Variants in ZNF135 observed in about 807,000 individuals in gnomAD.
The protein encoded by ZNF135 is zinc finger protein 135 (clone pHZ-17).
In ZNF135, 11 loss-of-function variants were observed where a neutral mutation model predicts 12.3. That is an observed-to-expected ratio of 0.89 (90% CI 0.56 to 1.48). The LOEUF (loss-of-function observed/expected upper bound fraction) is 1.48. Ranked by LOEUF, ZNF135 falls within the 40% of genes most tolerant of loss-of-function variation. The probability of loss-of-function intolerance (pLI) is 0.00; values close to 1 mark genes in which losing one functional copy is unlikely to be tolerated. For missense variants in ZNF135, 722 were observed against 815.7 expected (o/e 0.89, Z 1.40); for synonymous variants, 316 against 312.0 (o/e 1.01, Z -0.14).
rs1263937441 is a variant in ZNF135, at chr19:58,068,473, A to G, written c.*12A>G. 6.2e-7 allele frequency: 1 copy of G among 1,611,732 alleles called. No homozygotes were observed. Among genetic ancestry groups the G allele is most frequent in the Non-Finnish European group, 8.5e-7 (1 of 1,178,686 alleles). On this transcript the variant is annotated 3_prime_UTR_variant, in exon 5 of 5. Transcript: ENST00000313434. Reference sequence around the variant, plus strand: ...CTCACACTGGATAAACCCACTCCACATGTGCTGGGGACATAGGAAGACCTT... The same window carrying G: ...CTCACACTGGATAAACCCACTCCACGTGTGCTGGGGACATAGGAAGACCTT...
At position 58,067,043 on chromosome 19, in the gene ZNF135, C is replaced by G. The variant is rs536455733; in HGVS notation, c.559C>G (p.Pro187Ala). ...HQPMTPERQS[P>A]HTWGTRGKRE... Reference sequence around the variant, plus strand: ...ACCAATGACTCCTGAAAGACAAAGCCCCCACACATGGGGAACACGTGGAAA... The same window carrying G: ...ACCAATGACTCCTGAAAGACAAAGCGCCCACACATGGGGAACACGTGGAAA... The change falls in exon 5 of 5, where the codon CCC becomes GCC. Residue 187 changes from proline (P) to alanine (A), a missense_variant. Coordinates refer to ENST00000313434, the MANE Select transcript of ZNF135 (RefSeq NM_001289401.2). 2.8e-5 allele frequency: 46 copies of G among 1,614,156 alleles called. No homozygotes were observed. The African/African-American group carries it at 5.3e-4, about 19-fold the overall frequency.
upstream of ZNF135, chr19:58,059,263 C>CGCAGTGTCGGCTGCCGGT (rs1456844496): frequency 5.7e-6 from 9 of 1,576,974 alleles, no homozygotes; most frequent in Non-Finnish European, 7.7e-6. This position sits in a 1 kb window ranked among gnomAD's most constrained non-coding sequence, Gnocchi z 6.5. Flanking sequence ...CTCGCGCCGG[C>CGCAGTGTCGGCTGCCGGT]GCAGTGTCGG....
Position 58,060,094 on chromosome 19 carries a change from C to T in ZNF135, c.33+59C>T, listed in dbSNP as rs1367335045. ...ACCTCGTGCCCGGCCTCCTCGCGCG[C>T]GGCCTTCTCACGCCCGGCCTCCTCT... On this transcript the variant is annotated intron_variant, in intron 2 of 4. Transcript: ENST00000313434. The surrounding 1 kb of genome is among the most constrained non-coding windows in gnomAD (Gnocchi z 4.9). 6.8e-6 allele frequency: 11 copies of T among 1,608,332 alleles called. No individual in the cohort carries two copies. Among genetic ancestry groups the T allele is most frequent in the Non-Finnish European group, 8.5e-6 (10 of 1,179,392 alleles).
Position 58,060,411 on chromosome 19 carries a change from G to A in ZNF135, c.33+376G>A, listed in dbSNP as rs182570486. ...CGCCGCGCTGGAGGTCAGCGGGCAC[G>A]GGTCCCTGTCTGAGTGGGCTTTATG... is the stretch of plus-strand genomic sequence containing the variant. On this transcript the variant is annotated intron_variant, in intron 2 of 4. Transcript: ENST00000313434. This position sits in a 1 kb window ranked among gnomAD's most constrained non-coding sequence, Gnocchi z 4.9. 4.2e-6 allele frequency: 5 copies of A among 1,189,416 alleles called. No homozygotes were observed. The African/African-American group carries it at 4.8e-5, about 11-fold the overall frequency. The allele number at this position is 1,189,416 out of a possible 1,614,324, so 73.7% of individuals were successfully genotyped here. A position where few individuals can be genotyped will look rare whatever the true frequency, so the allele number is the denominator to read the frequency against.
rs1416066248 is a variant in ZNF135 at position 58,059,317 on chromosome 19, T to G, written c.-35+7T>G. 1 of 1,393,108 alleles carries G rather than the reference T, an allele frequency of 7.2e-7. No individual in the cohort carries two copies. Among genetic ancestry groups the G allele is most frequent in the South Asian group, 1.4e-5 (1 of 73,708 alleles). 86.3% of individuals were successfully genotyped at this position (1,393,108 alleles called of 1,614,324 possible). The stretch of plus-strand genomic sequence containing the variant: ...TTGTCTCGCAGTCAGGAGGGTGAGC[T>G]AGGCCGGCGAGGAGGGGGAGGGGAG... On this transcript the variant is annotated splice_region_variant and intron_variant, in intron 1 of 4. Coordinates refer to ENST00000313434, the MANE Select transcript of ZNF135 (RefSeq NM_001289401.2). This position sits in a 1 kb window ranked among gnomAD's most constrained non-coding sequence, Gnocchi z 6.5.
Position 58,059,642 on chromosome 19 carries a change from T to A in ZNF135, c.-34-327T>A. 1 of 505,116 alleles carries A rather than the reference T, an allele frequency of 2.0e-6. No homozygotes were observed. Among genetic ancestry groups the A allele is most frequent in the Non-Finnish European group, 3.5e-6 (1 of 288,056 alleles). The allele number at this position is 505,116 out of a possible 1,614,324, so 31.3% of individuals were successfully genotyped here. A position where few individuals can be genotyped will look rare whatever the true frequency, so the allele number is the denominator to read the frequency against. ...GGCACTGGGCCGCCACCTTTGTTGATGGAAGAGAGAAACTGAGGCATAGTG... is the reference window on the plus strand; with the variant it reads ...GGCACTGGGCCGCCACCTTTGTTGAAGGAAGAGAGAAACTGAGGCATAGTG... On this transcript the variant is annotated intron_variant, in intron 1 of 4. Coordinates refer to ENST00000313434, the MANE Select transcript of ZNF135 (RefSeq NM_001289401.2). This position sits in a 1 kb window ranked among gnomAD's most constrained non-coding sequence, Gnocchi z 6.5.
chr19:58,059,908 G>A lies in ZNF135; in HGVS notation c.-34-61G>A, dbSNP rs1459871660. 14 of 1,588,424 alleles carry A rather than the reference G, an allele frequency of 8.8e-6. No individual in the cohort carries two copies. Among genetic ancestry groups the A allele is most frequent in the Non-Finnish European group, 1.2e-5 (14 of 1,165,406 alleles). ...TCCCCAGGCTCTGGCGCAGTTCCCCGGCTTGGGGACCTGAGCACCGCCTCT... is the reference window on the plus strand; with the variant it reads ...TCCCCAGGCTCTGGCGCAGTTCCCCAGCTTGGGGACCTGAGCACCGCCTCT... On this transcript the variant is annotated intron_variant, in intron 1 of 4. Transcript: ENST00000313434. This position sits in a 1 kb window ranked among gnomAD's most constrained non-coding sequence, Gnocchi z 6.5.
At position 58,060,107 on chromosome 19, in the gene ZNF135, C is replaced by T. The variant is rs2073945398; in HGVS notation, c.33+72C>T. The T allele has an allele frequency of 3.1e-6, 5 of 1,605,468 alleles. No individual in the cohort carries two copies. Among genetic ancestry groups the T allele is most frequent in the Non-Finnish European group, 4.2e-6 (5 of 1,179,064 alleles). On this transcript the variant is annotated intron_variant, in intron 2 of 4. Transcript: ENST00000313434. The surrounding 1 kb of genome is among the most constrained non-coding windows in gnomAD (Gnocchi z 4.9). The stretch of plus-strand genomic sequence containing the variant: ...CCTCCTCGCGCGCGGCCTTCTCACG[C>T]CCGGCCTCCTCTTTGCACCCCGTCC...
rs10423264 is a variant in ZNF135, at chr19:58,068,329, T to C, written c.1845T>C (p.Phe615=). ...AGTGTCACGATTGCGGAAAGTCCTTTAGGCAGAGCACCCACCTCACTCAGC... is the reference window on the plus strand; with the variant it reads ...AGTGTCACGATTGCGGAAAGTCCTTCAGGCAGAGCACCCACCTCACTCAGC... ...PYECHDCGKS[F]RQSTHLTQHR... Residue 615 remains phenylalanine (F), a synonymous_variant, in exon 5 of 5, where the codon TTT becomes TTC. Transcript: ENST00000313434. 5,130 of 1,605,994 alleles carry C rather than the reference T, an allele frequency of 3.2e-3. 119 individuals are homozygous for C. The African/African-American group carries it at 0.054, about 17-fold the overall frequency.
rs951830454 is a variant in ZNF135, at chr19:58,059,589, C to G, written c.-35+279C>G. The G allele has an allele frequency of 2.3e-5, 12 of 522,334 alleles. No individual in the cohort carries two copies. The East Asian group carries it at 4.2e-4, about 18-fold the overall frequency. The allele number at this position is 522,334 out of a possible 1,614,324, so 32.4% of individuals were successfully genotyped here. A position where few individuals can be genotyped will look rare whatever the true frequency, so the allele number is the denominator to read the frequency against. On this transcript the variant is annotated intron_variant, in intron 1 of 4. Coordinates refer to ENST00000313434, the MANE Select transcript of ZNF135 (RefSeq NM_001289401.2). This position sits in a 1 kb window ranked among gnomAD's most constrained non-coding sequence, Gnocchi z 6.5. The stretch of plus-strand genomic sequence containing the variant: ...GGCCCCTGAGGGAACGCGCGCCCCG[C>G]CCCTGGCCCCACCTCTGCCCCACAC...
At position 58,068,159 on chromosome 19, in the gene ZNF135, T is replaced by C. The variant is rs753534804; in HGVS notation, c.1675T>C (p.Phe559Leu). 3 of 1,613,926 alleles carry C rather than the reference T, an allele frequency of 1.9e-6. No homozygotes were observed. In the South Asian group the frequency reaches 3.3e-5, roughly 18 times the overall value. ...PYECNQCGRA[F>L]SQSSLLIEHQ... ...TGAATGTAACCAGTGTGGCAGAGCCTTCAGCCAGAGCTCCCTTCTCATCGA... is the reference window on the plus strand; with the variant it reads ...TGAATGTAACCAGTGTGGCAGAGCCCTCAGCCAGAGCTCCCTTCTCATCGA... The change falls in exon 5 of 5, where the codon TTC becomes CTC. Residue 559 changes from phenylalanine to leucine, a missense_variant. Physicochemically the swap from Phe to Leu is conservative, Grantham distance 22. Transcript: ENST00000313434.
Position 58,066,970 on chromosome 19 carries a change from G to C in ZNF135, c.486G>C (p.Arg162Ser), listed in dbSNP as rs1484466670. ...VKTPVLEQWQRNGFGENISLN... is the reference protein window; with the variant it reads ...VKTPVLEQWQSNGFGENISLN... ...CGCCTGTTCTGGAGCAGTGGCAGAG[G>C]AATGGGTTTGGGGAAAACATAAGTC... The change falls in exon 5 of 5, where the codon AGG (arginine) becomes AGC (serine). Residue 162 changes from arginine to serine, a missense_variant. Physicochemically the swap from Arg to Ser is moderately radical, Grantham distance 110. Coordinates refer to ENST00000313434, the MANE Select transcript of ZNF135 (RefSeq NM_001289401.2). 1 of 1,614,194 alleles carries C rather than the reference G, an allele frequency of 6.2e-7. No individual in the cohort carries two copies. The highest frequency in any genetic ancestry group is 2.2e-5 in the East Asian group (1 of 44,888).
Position 58,068,164 on chromosome 19 carries a change from C to T in ZNF135, c.1680C>T (p.Ser560=). ...YECNQCGRAF[S]QSSLLIEHQR... Reference sequence around the variant, plus strand: ...GTAACCAGTGTGGCAGAGCCTTCAGCCAGAGCTCCCTTCTCATCGAACACC... The same window carrying T: ...GTAACCAGTGTGGCAGAGCCTTCAGTCAGAGCTCCCTTCTCATCGAACACC... The change falls in exon 5 of 5, where the codon AGC becomes AGT. Residue 560 remains serine, a synonymous_variant. Coordinates refer to ENST00000313434, the MANE Select transcript of ZNF135 (RefSeq NM_001289401.2). 1.9e-6 allele frequency: 3 copies of T among 1,614,024 alleles called. No individual in the cohort carries two copies. The highest frequency in any genetic ancestry group is 1.3e-5 in the African/African-American group (1 of 74,972).
rs750206658 is a variant in ZNF135 at position 58,067,016 on chromosome 19, C to A, written c.532C>A (p.Gln178Lys). The A allele has an allele frequency of 9.9e-6, 16 of 1,614,188 alleles. No homozygotes were observed. The highest frequency in any genetic ancestry group is 1.2e-5 in the Non-Finnish European group (14 of 1,180,026). ...AAGTCTGAACCCTGATCTCCCACAT[C>A]AACCAATGACTCCTGAAAGACAAAG... ...NISLNPDLPH[Q>K]PMTPERQSPH... Residue 178 changes from glutamine (Q) to lysine (K), a missense_variant, in exon 5 of 5, where the codon CAA becomes AAA. Gln to Lys is a moderately conservative substitution (Grantham distance 53). Transcript: ENST00000313434.
chr19:58,068,058 A>C lies in ZNF135; in HGVS notation c.1574A>C (p.Asn525Thr). The change falls in exon 5 of 5, where the codon AAC (asparagine) becomes ACC (threonine). Residue 525 changes from asparagine to threonine, a missense_variant. Asn to Thr is a moderately conservative substitution (Grantham distance 65). Transcript: ENST00000313434. ...IHTGEKPYEC[N>T]QCGRAFSQLA... is the part of the protein sequence containing the mutation. ...ACTGGGGAGAAGCCCTACGAATGCAACCAGTGTGGCAGAGCCTTCAGCCAG... is the reference window on the plus strand; with the variant it reads ...ACTGGGGAGAAGCCCTACGAATGCACCCAGTGTGGCAGAGCCTTCAGCCAG... The C allele has an allele frequency of 6.2e-7, 1 of 1,614,070 alleles. No homozygotes were observed. Among genetic ancestry groups the C allele is most frequent in the Non-Finnish European group, 8.5e-7 (1 of 1,180,010 alleles).
At position 58,062,376 on chromosome 19, in the gene ZNF135, A is replaced by G. The variant is rs116705832; in HGVS notation, c.160+670A>G. Among the ~76,000 whole-genome samples the G allele has an allele frequency of 3.0e-3, 425 of 142,936 alleles. 2 individuals are homozygous for G. The highest frequency in any genetic ancestry group is 9.0e-3 in the African/African-American group (349 of 38,694). 93.8% of individuals were successfully genotyped at this position (142,936 alleles called of 152,430 possible). On this transcript the variant is annotated intron_variant, in intron 3 of 4. Coordinates refer to ENST00000313434, the MANE Select transcript of ZNF135 (RefSeq NM_001289401.2). ...ACCTTATTTATTTATTTATTTATTT[A>G]TTTGTTTTTAAATTTTTTATTTTTG... is the stretch of plus-strand genomic sequence containing the variant.
Position 58,059,326 on chromosome 19 carries a change from G to A in ZNF135, c.-35+16G>A, listed in dbSNP as rs2073922358. The A allele has an allele frequency of 6.5e-7, 1 of 1,544,732 alleles. No individual in the cohort carries two copies. Among genetic ancestry groups the A allele is most frequent in the East Asian group, 2.5e-5 (1 of 39,518 alleles). On this transcript the variant is annotated intron_variant, in intron 1 of 4. Transcript: ENST00000313434. This position sits in a 1 kb window ranked among gnomAD's most constrained non-coding sequence, Gnocchi z 6.5. Reference sequence around the variant, plus strand: ...AGTCAGGAGGGTGAGCTAGGCCGGCGAGGAGGGGGAGGGGAGGCCAGGCCG... The same window carrying A: ...AGTCAGGAGGGTGAGCTAGGCCGGCAAGGAGGGGGAGGGGAGGCCAGGCCG...
rs1485285963 is a variant in ZNF135, at chr19:58,066,468, C to T, written c.257-273C>T. On this transcript the variant is annotated intron_variant, in intron 4 of 4. Transcript: ENST00000313434. The stretch of plus-strand genomic sequence containing the variant: ...CCCCTCACAGACTCCATTCATACTC[C>T]TTGTGCCAACTGTTTTTTCCTCCCT... Among the ~76,000 whole-genome samples, 3 of 152,186 alleles carry T rather than the reference C, an allele frequency of 2.0e-5. No individual in the cohort carries two copies. The South Asian group carries it at 6.2e-4, about 32-fold the overall frequency.
Position 58,067,896 on chromosome 19 carries a change from G to A in ZNF135, c.1412G>A (p.Cys471Tyr), listed in dbSNP as rs2074103449. 1.2e-6 allele frequency: 2 copies of A among 1,613,004 alleles called. No individual in the cohort carries two copies. The highest frequency in any genetic ancestry group is 1.7e-6 in the Non-Finnish European group (2 of 1,179,814). Residue 471 changes from cysteine to tyrosine, a missense_variant, in exon 5 of 5, where the codon TGT (cysteine) becomes TAT (tyrosine). Cys to Tyr is a radical substitution (Grantham distance 194). Coordinates refer to ENST00000313434, the MANE Select transcript of ZNF135 (RefSeq NM_001289401.2). ...TGEKPYECSQ[C>Y]GKAFRQSTHL... ...GAGAAGCCCTATGAGTGCAGTCAGTGTGGGAAGGCCTTCCGGCAGAGCACA... is the reference window on the plus strand; with the variant it reads ...GAGAAGCCCTATGAGTGCAGTCAGTATGGGAAGGCCTTCCGGCAGAGCACA...
Sources: allele counts gnomAD v4.1 joint callset (sites outside exome capture counted in the v4.1 genomes callset), GRCh38; gene constraint gnomAD v4.1.1; non-coding constraint Gnocchi (gnomAD v3.1); transcripts MANE v1.5; gene names NCBI Gene and HGNC (gene_info 2026-07-23, HGNC 2026-07-21).